The following PLPPR1 variants were observed in gnomAD, a reference collection of about 807,000 sequenced individuals.
PLPPR1 encodes phospholipid phosphatase related 1, also known as phospholipid phosphatase-related protein type 1.
A neutral mutation model predicts 33.1 loss-of-function variants in PLPPR1; 10 were observed. The ratio of observed to expected loss-of-function variants is 0.30; its 90% confidence interval spans 0.19 to 0.51. The LOEUF (loss-of-function observed/expected upper bound fraction) is 0.51, where lower values mean the gene tolerates loss of function less well. Among genes scored for constraint, PLPPR1 ranks in the 20% least tolerant of loss-of-function variants. The pLI, the probability that PLPPR1 is intolerant of heterozygous loss-of-function variation, is 0.97. For missense variants in PLPPR1, 304 were observed against 408.1 expected (o/e 0.74, Z 2.20); for synonymous variants, 151 against 151.0 (o/e 1.00, Z 0.00).
chr9:101,284,516 C>T (rs898685303), intron 3 of PLPPR1, among the ~76,000 whole-genome samples: 2 of 151,984 alleles, frequency 1.3e-5, no homozygotes, highest in African/African-American at 4.8e-5. Context: ...AGTGTTTGTA[C>T]CACAAAAATG....
intron 1 of PLPPR1, among the ~76,000 whole-genome samples, chr9:101,075,123 G>T (rs909735919): frequency 2.0e-5 from 3 of 152,146 alleles, no homozygotes; most frequent in Non-Finnish European, 4.4e-5. Context: ...GTGTTTAAGA[G>T]AAGTATATCT....
At chr9:101,270,392 A>G (rs974626489) in intron 3 of PLPPR1, among the ~76,000 whole-genome samples, 11 of 152,240 alleles carry the variant, frequency 7.2e-5, no homozygotes, top group Non-Finnish European at 8.8e-5. Context: ...AAAATATGCT[A>G]TGAGTTGCAA....
chr9:101,133,214 A>G (rs1420019461), intron 1 of PLPPR1, among the ~76,000 whole-genome samples: 1 of 152,170 alleles, frequency 6.6e-6, no homozygotes, highest in Non-Finnish European at 1.5e-5. Flanking sequence ...TATATTACAC[A>G]TGCTTGAAAT....
At chr9:101,299,867 G>A (rs7875706) in intron 4 of PLPPR1, among the ~76,000 whole-genome samples, 14,471 of 152,032 alleles carry the variant, frequency 0.095, 1,512 homozygotes, top group African/African-American at 0.26. Context: ...ACAATGTTTA[G>A]TAGTACCCCT....
chr9:101,074,917 TTTTAC>T (rs1198801158), intron 1 of PLPPR1, among the ~76,000 whole-genome samples: 3 of 152,128 alleles, frequency 2.0e-5, no homozygotes, highest in Non-Finnish European at 4.4e-5. Context: ...AAGTGCAGTG[TTTTAC>T]TTTCCTTCCC....
chr9:101,154,893 T>C (rs1295242098), intron 1 of PLPPR1, among the ~76,000 whole-genome samples: 1 of 137,664 alleles, frequency 7.3e-6, no homozygotes, highest in Non-Finnish European at 1.5e-5. Context: ...TTCTCACTCA[T>C]AGGTGGGAAT....
At chr9:101,054,038 G>A (rs756856291) in intron 1 of PLPPR1, among the ~76,000 whole-genome samples, 9 of 151,960 alleles carry the variant, frequency 5.9e-5, no homozygotes, top group Non-Finnish European at 1.3e-4. Flanking sequence ...ACAAAAATTA[G>A]CTGGGCATGG....
At position 101,325,068 on chromosome 9, in the gene PLPPR1, G is replaced by T. The variant is rs1272145203; in HGVS notation, c.*1011G>T. On this transcript the variant is annotated 3_prime_UTR_variant, in exon 8 of 8. Transcript: ENST00000374874. ...ATGTTTTCTTGACACTTCCATGTTG[G>T]CTCTTCTCAGCTTTTTTTGTACATA... 2.0e-5 allele frequency: 3 copies of T among 152,114 alleles called. No homozygotes were observed. The South Asian group carries it at 6.2e-4, about 32-fold the overall frequency. The allele number at this position is 152,114 out of a possible 1,614,324, so 9.4% of individuals were successfully genotyped here.
chr9:101,139,388 A>G (rs1461254550), intron 1 of PLPPR1, among the ~76,000 whole-genome samples: 1 of 152,168 alleles, frequency 6.6e-6, no homozygotes, highest in Non-Finnish European at 1.5e-5. Context: ...CATGAAGGAG[A>G]GAGAGAATCT....
At chr9:101,284,936 G>A (rs958835695) in intron 3 of PLPPR1, among the ~76,000 whole-genome samples, 2 of 152,170 alleles carry the variant, frequency 1.3e-5, no homozygotes, top group Admixed American at 6.5e-5. Context: ...TGAATAGTGG[G>A]AAGTGTGGAC....
intron 3 of PLPPR1, among the ~76,000 whole-genome samples, chr9:101,284,818 A>C (rs1375524504): frequency 6.6e-6 from 1 of 152,212 alleles, no homozygotes; most frequent in East Asian, 1.9e-4. Flanking sequence ...AACATTAATA[A>C]ATTTTCTCTA....
chr9:101,288,013 C>A (rs1040712840), intron 4 of PLPPR1, among the ~76,000 whole-genome samples: 5 of 152,046 alleles, frequency 3.3e-5, no homozygotes, highest in Admixed American at 3.3e-4. Flanking sequence ...ATTGGAATAC[C>A]TTTTAAAGTC....
At chr9:101,238,339 A>C (rs572297075) in intron 2 of PLPPR1, among the ~76,000 whole-genome samples, 73 of 103,174 alleles carry the variant, frequency 7.1e-4, no homozygotes, top group Middle Eastern at 6.5e-3. Context: ...ATACCTCTCT[A>C]TATATAGAGG....
At chr9:101,032,012 G>A (rs1418424317) in intron 1 of PLPPR1, among the ~76,000 whole-genome samples, 1 of 152,160 alleles carries the variant, frequency 6.6e-6, no homozygotes, top group African/African-American at 2.4e-5. Context: ...TTCTCAGAGA[G>A]CTTGACATTA....
At chr9:101,097,203 A>T (rs1295901999) in intron 1 of PLPPR1, among the ~76,000 whole-genome samples, 1 of 152,172 alleles carries the variant, frequency 6.6e-6, no homozygotes, top group Non-Finnish European at 1.5e-5. Flanking sequence ...GATTCAGCAG[A>T]TTAAGGGTGA....
intron 3 of PLPPR1, among the ~76,000 whole-genome samples, chr9:101,280,047 G>A (rs1236927208): frequency 6.6e-6 from 1 of 152,022 alleles, no homozygotes; most frequent in East Asian, 1.9e-4. Context: ...CAAACAGTTA[G>A]CCAGACCAAG....
intron 5 of PLPPR1, 128 bp from the exon 6 acceptor site, chr9:101,312,670 T>C: frequency 1.6e-6 from 1 of 641,836 alleles, no homozygotes. Context: ...CAAGGAATAC[T>C]AGTTAGTGTG....
At chr9:101,238,461 TGAAA>T (rs1228423786) in intron 2 of PLPPR1, among the ~76,000 whole-genome samples, 7 of 150,050 alleles carry the variant, frequency 4.7e-5, no homozygotes, top group Non-Finnish European at 7.4e-5. Context: ...TAAAAAAGAA[TGAAA>T]GAAAGTCTTT....
At chr9:101,154,975 G>C (rs546397979) in intron 1 of PLPPR1, among the ~76,000 whole-genome samples, 1 of 106,754 alleles carries the variant, frequency 9.4e-6, no homozygotes, top group East Asian at 3.5e-4. Flanking sequence ...GTGGGGGGAG[G>C]GGGGAGGGAT....
Sources: allele counts gnomAD v4.1 joint callset (sites outside exome capture counted in the v4.1 genomes callset), GRCh38; gene constraint gnomAD v4.1.1; transcripts MANE v1.5; gene names NCBI Gene and HGNC (gene_info 2026-07-23, HGNC 2026-07-21).